SLIT2: variants seen among roughly 807,000 people sequenced by gnomAD.
SLIT2 encodes the protein slit homolog 2 protein.
SLIT2 carries 41 observed loss-of-function variants against 185.7 expected under a neutral mutation model. The observed-to-expected ratio is 0.22, with a 90% CI of 0.17 to 0.29. SLIT2 has a LOEUF of 0.29. Ranked by LOEUF, SLIT2 falls within the 10% of genes least tolerant of loss-of-function variation. The pLI, the probability that SLIT2 is intolerant of heterozygous loss-of-function variation, is 1.00. For missense variants in SLIT2, 1,571 were observed against 1,909.0 expected (o/e 0.82, Z 3.30); for synonymous variants, 693 against 680.2 (o/e 1.02, Z -0.29).
chr4:20,341,932 A>T (rs1217656390), intron 4 of SLIT2, among the ~76,000 whole-genome samples: 1 of 152,186 alleles, frequency 6.6e-6, no homozygotes, highest in Non-Finnish European at 1.5e-5. Context: ...ATGAAATTGC[A>T]TTTTTGTCTA....
At chr4:20,346,950 G>A (rs1375705185) in intron 4 of SLIT2, among the ~76,000 whole-genome samples, 1 of 152,146 alleles carries the variant, frequency 6.6e-6, no homozygotes, top group African/African-American at 2.4e-5. Flanking sequence ...TTGAGGATGG[G>A]TCTGTCTCTC....
chr4:20,284,223 T>A (rs924031454), intron 4 of SLIT2, among the ~76,000 whole-genome samples: 1 of 152,234 alleles, frequency 6.6e-6, no homozygotes, highest in Non-Finnish European at 1.5e-5. Context: ...CCTTCCCATA[T>A]GCAGATGTTT....
chr4:20,563,637 A>G (rs939292428), intron 26 of SLIT2, among the ~76,000 whole-genome samples: 1 of 151,844 alleles, frequency 6.6e-6, no homozygotes, highest in Non-Finnish European at 1.5e-5. Context: ...AGCTCCTAGC[A>G]TATATAGAAG....
rs1553916427 is a variant in SLIT2 at position 20,518,083 on chromosome 4, G to GTGTA, written c.1059-1298_1059-1297insGTAT. 1.4e-3 allele frequency among the ~76,000 whole-genome samples: 184 copies of GTGTA among 132,710 alleles called. 1 individual carries two copies. The highest frequency in any genetic ancestry group is 4.6e-3 in the African/African-American group (173 of 37,362). The allele number at this position is 132,710 out of a possible 152,430, so 87.1% of individuals were successfully genotyped here. On this transcript the variant is annotated intron_variant, in intron 11 of 36. Coordinates refer to ENST00000504154, the MANE Select transcript of SLIT2 (RefSeq NM_004787.4). ...TTTTATTTTGTGCATATATGTGTGT[G>GTGTA]TATATATATATACACACACATATAT...
chr4:20,502,893 G>A (rs1285556620), intron 9 of SLIT2, among the ~76,000 whole-genome samples: 1 of 152,106 alleles, frequency 6.6e-6, no homozygotes, highest in Non-Finnish European at 1.5e-5. Flanking sequence ...ACTAGCAGCA[G>A]ACTCTATAGG....
At chr4:20,583,987 C>A (rs1250213223) in intron 29 of SLIT2, among the ~76,000 whole-genome samples, 1 of 151,966 alleles carries the variant, frequency 6.6e-6, no homozygotes, top group African/African-American at 2.4e-5. Flanking sequence ...CCACAGGGGG[C>A]TCTGAACATA....
chr4:20,358,947 T>C (rs2109286834), intron 4 of SLIT2, among the ~76,000 whole-genome samples: 1 of 152,110 alleles, frequency 6.6e-6, no homozygotes, highest in African/African-American at 2.4e-5. Flanking sequence ...GGACAATCAT[T>C]TTGGGTTCTT....
intron 33 of SLIT2, among the ~76,000 whole-genome samples, chr4:20,600,841 A>AT (rs1426319957): frequency 1.3e-5 from 2 of 151,884 alleles, no homozygotes; most frequent in Admixed American, 1.3e-4. Flanking sequence ...CTATGACCTT[A>AT]TTTTTTAATA....
chr4:20,541,463 G>A lies in SLIT2; in HGVS notation c.1987G>A (p.Ala663Thr), dbSNP rs964532487. The A allele has an allele frequency of 6.2e-7, 1 of 1,613,892 alleles. No homozygotes were observed. The highest frequency in any genetic ancestry group is 1.7e-5 in the Admixed American group (1 of 59,998). The change falls in exon 20 of 37, where the codon GCC becomes ACC. Residue 663 changes from alanine (A) to threonine (T), a missense_variant. By Grantham distance (58) the Ala-to-Thr change is moderately conservative (BLOSUM62 0). Coordinates refer to ENST00000504154, the MANE Select transcript of SLIT2 (RefSeq NM_004787.4). ...GCCTGTGGCTCTTAGAAACCTCTTG[G>A]CCAATCCTTTTAACTGTAACTGCTA... ...LHSLSTLNLL[A>T]NPFNCNCYLA...
intron 29 of SLIT2, among the ~76,000 whole-genome samples, chr4:20,569,552 G>C (rs1725390269): frequency 6.6e-6 from 1 of 151,970 alleles, no homozygotes; most frequent in African/African-American, 2.4e-5. Flanking sequence ...CATCTCATTA[G>C]AGTATTAATT....
At chr4:20,354,016 A>G (rs934813803) in intron 4 of SLIT2, among the ~76,000 whole-genome samples, 1 of 152,186 alleles carries the variant, frequency 6.6e-6, no homozygotes, top group Non-Finnish European at 1.5e-5. Context: ...ATCATCCGTT[A>G]TTCCAAAACC....
chr4:20,454,438 G>C (rs1712821534), intron 4 of SLIT2, among the ~76,000 whole-genome samples: 1 of 152,090 alleles, frequency 6.6e-6, no homozygotes, highest in African/African-American at 2.4e-5. Flanking sequence ...AATCTGTAAT[G>C]ACATTTACAA....
At chr4:20,358,686 A>G (rs529939953) in intron 4 of SLIT2, among the ~76,000 whole-genome samples, 2 of 152,124 alleles carry the variant, frequency 1.3e-5, no homozygotes, top group Non-Finnish European at 2.9e-5. Flanking sequence ...CCTTGAAGTT[A>G]ATTAAACTCA....
At chr4:20,401,543 T>C (rs1269051569) in intron 4 of SLIT2, among the ~76,000 whole-genome samples, 1 of 151,790 alleles carries the variant, frequency 6.6e-6, no homozygotes, top group Non-Finnish European at 1.5e-5. Flanking sequence ...ATCCAGCAAA[T>C]CTGCATGCTT....
intron 4 of SLIT2, among the ~76,000 whole-genome samples, chr4:20,400,257 A>T (rs900818412): frequency 6.6e-6 from 1 of 151,730 alleles, no homozygotes; most frequent in Non-Finnish European, 1.5e-5. Context: ...AGATTAATTG[A>T]ATGGTAAAAG....
chr4:20,570,508 G>A (rs574658203), intron 29 of SLIT2, among the ~76,000 whole-genome samples: 31 of 151,622 alleles, frequency 2.0e-4, no homozygotes, highest in African/African-American at 5.8e-4. Flanking sequence ...CAAGAAGCCC[G>A]ATGTTTGCAC....
intron 4 of SLIT2, among the ~76,000 whole-genome samples, chr4:20,281,503 C>T (rs904967481): frequency 2.6e-5 from 4 of 152,132 alleles, no homozygotes; most frequent in African/African-American, 9.7e-5. Context: ...AACCTGAATA[C>T]CCTGAAGGCA....
intron 11 of SLIT2, among the ~76,000 whole-genome samples, chr4:20,517,907 C>A (rs1720356223): frequency 6.6e-6 from 1 of 151,444 alleles, no homozygotes; most frequent in African/African-American, 2.4e-5. Flanking sequence ...GTTATGGCAG[C>A]CATTTGTTTA....
rs547696546 is a variant in SLIT2 at position 20,461,045 on chromosome 4, A to G, written c.396-6707A>G. ...TATGAGTTCATCTTACAGATAAGCA[A>G]ATGGAGAGAGAGGCTTAGTACTTTG... is the stretch of plus-strand genomic sequence containing the variant. On this transcript the variant is annotated intron_variant, in intron 4 of 36. Coordinates refer to ENST00000504154, the MANE Select transcript of SLIT2 (RefSeq NM_004787.4). 1.2e-3 allele frequency among the ~76,000 whole-genome samples: 183 copies of G among 152,344 alleles called. 2 individuals are homozygous for G. Among genetic ancestry groups the G allele is most frequent in the African/African-American group, 3.5e-3 (147 of 41,574 alleles).
Sources: allele counts gnomAD v4.1 joint callset (sites outside exome capture counted in the v4.1 genomes callset), GRCh38; gene constraint gnomAD v4.1.1; transcripts MANE v1.5; gene names NCBI Gene and HGNC (gene_info 2026-07-23, HGNC 2026-07-21).